The following RNF8 variants were observed in gnomAD, a reference collection of about 807,000 sequenced individuals.
RNF8 encodes the protein E3 ubiquitin-protein ligase RNF8.
Under a neutral mutation model 59.3 loss-of-function variants are expected in RNF8, and 8 were observed. The ratio of observed to expected loss-of-function variants is 0.13; its 90% confidence interval spans 0.08 to 0.24. The LOEUF (loss-of-function observed/expected upper bound fraction) is 0.24, where lower values mean the gene tolerates loss of function less well. Ranked by LOEUF, RNF8 falls within the 10% of genes least tolerant of loss-of-function variation. The pLI is 1.00. For synonymous variants in RNF8, 162 were observed against 200.0 expected, an observed-to-expected ratio of 0.81 and a Z score of 1.60; for missense variants, 406 against 572.6, an observed-to-expected ratio of 0.71 and a Z score of 2.97.
At chr6:37,358,318 T>C (rs1769193770) in intron 1 of RNF8, among the ~76,000 whole-genome samples, 1 of 152,166 alleles carries the variant, frequency 6.6e-6, no homozygotes, top group South Asian at 2.1e-4. Context: ...TTTGAATGAT[T>C]GGACAGTTTT....
intron 1 of RNF8, among the ~76,000 whole-genome samples, chr6:37,355,139 A>C (rs1260950777): frequency 6.6e-6 from 1 of 152,140 alleles, no homozygotes; most frequent in African/African-American, 2.4e-5. Flanking sequence ...TTCAAGATGC[A>C]CCAGCGTGGT....
In RNF8 at chr6:37,390,626, A is replaced by G. The variant is rs138849731; in HGVS notation, c.1442-116A>G. ...GACATGATCTGACTTCTGTTTTCTC[A>G]GTTCGCTATGGCTGCTGTGTGAGGA... is the stretch of plus-strand genomic sequence containing the variant. On this transcript the variant is annotated intron_variant, in intron 7 of 7. Transcript: ENST00000373479. 874 of 698,322 alleles carry G rather than the reference A, an allele frequency of 1.3e-3. 4 individuals carry two copies. The highest frequency in any genetic ancestry group is 0.011 in the African/African-American group (596 of 56,534). 43.3% of individuals were successfully genotyped at this position (698,322 alleles called of 1,614,324 possible).
At chr6:37,390,616 C>T in intron 7 of RNF8, 126 bp from the exon 8 acceptor site, 1 of 665,440 alleles carries the variant, frequency 1.5e-6, no homozygotes, top group Non-Finnish European at 2.6e-6. Flanking sequence ...GATCTGACTT[C>T]TGTTTTCTCA....
intron 7 of RNF8, among the ~76,000 whole-genome samples, chr6:37,382,472 G>GT (rs1459396442): frequency 6.6e-6 from 1 of 152,164 alleles, no homozygotes; most frequent in Non-Finnish European, 1.5e-5. Context: ...GGCTTAGAAA[G>GT]TATCTACGGA....
Position 37,382,620 on chromosome 6 carries a change from C to T in RNF8, c.1441+1266C>T, listed in dbSNP as rs1581694840. Reference sequence around the variant, plus strand: ...CCTAGGGACACCCATGGGCTTTCTTCGCCCAGTCTACCACCTAAGTTCCTT... The same window carrying T: ...CCTAGGGACACCCATGGGCTTTCTTTGCCCAGTCTACCACCTAAGTTCCTT... On this transcript the variant is annotated intron_variant, in intron 7 of 7. Transcript: ENST00000373479. Among the ~76,000 whole-genome samples, 4 of 152,088 alleles carry T rather than the reference C, an allele frequency of 2.6e-5. No individual in the cohort carries two copies. In the South Asian group the frequency reaches 6.2e-4, roughly 24 times the overall value.
intron 2 of RNF8, 166 bp from the exon 3 acceptor site, chr6:37,368,318 G>T (rs1769648855): frequency 6.5e-7 from 1 of 1,548,532 alleles, no homozygotes. Flanking sequence ...AGCACTGCTT[G>T]ACGAATGCTG....
In RNF8 at chr6:37,354,383, C is replaced by G. The variant is rs538655584; in HGVS notation, c.111+108C>G. The G allele has an allele frequency of 7.1e-4, 570 of 801,416 alleles. 7 individuals are homozygous for G. In the African/African-American group the frequency reaches 9.0e-3, roughly 13 times the overall value. 49.6% of individuals were successfully genotyped at this position (801,416 alleles called of 1,614,324 possible). A position where few individuals can be genotyped will look rare whatever the true frequency, so the allele number is the denominator to read the frequency against. On this transcript the variant is annotated intron_variant, in intron 1 of 7. Transcript: ENST00000373479. Reference sequence around the variant, plus strand: ...GGCTGAATGAATGGCAGAGAGGAGGCGGGCATCAGGAAGAGGAGCGAAGTG... The same window carrying G: ...GGCTGAATGAATGGCAGAGAGGAGGGGGGCATCAGGAAGAGGAGCGAAGTG...
chr6:37,375,864 A>G (rs556937196), intron 5 of RNF8, among the ~76,000 whole-genome samples: 3 of 152,228 alleles, frequency 2.0e-5, no homozygotes, highest in Non-Finnish European at 4.4e-5. Flanking sequence ...GTGAAGTGCT[A>G]AAATAAATGT....
At chr6:37,372,692 G>A (rs112916976) in intron 4 of RNF8, among the ~76,000 whole-genome samples, 6 of 152,196 alleles carry the variant, frequency 3.9e-5, no homozygotes, top group African/African-American at 1.2e-4. Context: ...CTTTTAGACC[G>A]GGCACGGTGG....
At position 37,360,325 on chromosome 6, in the gene RNF8, CA is replaced by C; in HGVS notation, c.112-120del. 7 of 1,188,600 alleles carry C rather than the reference CA, an allele frequency of 5.9e-6. No homozygotes were observed. The highest frequency in any genetic ancestry group is 6.1e-6 in the Non-Finnish European group (5 of 816,138). 73.6% of individuals were successfully genotyped at this position (1,188,600 alleles called of 1,614,324 possible). On this transcript the variant is annotated intron_variant, in intron 1 of 7. Transcript: ENST00000373479. This position sits in a 1 kb window ranked among gnomAD's most constrained non-coding sequence, Gnocchi z 4.2. The stretch of plus-strand genomic sequence containing the variant: ...GATAGCTGATGCACTGTTTTGGTTC[CA>C]CAGGTGTCTGGTTTCTTAAGTCAGG...
chr6:37,354,089 AG>A lies in RNF8; in HGVS notation c.-72del, dbSNP rs1446557629. The A allele has an allele frequency of 8.6e-7, 1 of 1,167,348 alleles. No homozygotes were observed. The highest frequency in any genetic ancestry group is 1.3e-6 in the Non-Finnish European group (1 of 798,332). The allele number at this position is 1,167,348 out of a possible 1,614,324, so 72.3% of individuals were successfully genotyped here. Reference sequence around the variant, plus strand: ...GTCTGTTATTTAGATATGGAAGCTGAGGGGATGCACAGAGGCAGCCAGAACC... The same window carrying A: ...GTCTGTTATTTAGATATGGAAGCTGAGGGATGCACAGAGGCAGCCAGAACC... On this transcript the variant is annotated 5_prime_UTR_variant, in exon 1 of 8. An upstream open reading frame in the 5' UTR gains an earlier in-frame stop. Transcript: ENST00000373479.
rs374669083 is a variant in RNF8 at position 37,381,495 on chromosome 6, G to A, written c.1441+141G>A. 98 of 717,648 alleles carry A rather than the reference G, an allele frequency of 1.4e-4. No homozygotes were observed. In the East Asian group the frequency reaches 2.4e-3, roughly 18 times the overall value. The allele number at this position is 717,648 out of a possible 1,614,324, so 44.5% of individuals were successfully genotyped here. A position where few individuals can be genotyped will look rare whatever the true frequency, so the allele number is the denominator to read the frequency against. ...GATGGAATAAATGGGGAGGAGTAAA[G>A]GGAGTTAAAGATAATGCAGGAGAGG... On this transcript the variant is annotated intron_variant, in intron 7 of 7. Coordinates refer to ENST00000373479, the MANE Select transcript of RNF8 (RefSeq NM_003958.4).
intron 7 of RNF8, among the ~76,000 whole-genome samples, chr6:37,382,928 G>A (rs900284809): frequency 2.0e-5 from 3 of 149,650 alleles, no homozygotes; most frequent in Admixed American, 6.7e-5. Flanking sequence ...AGCCAAGATC[G>A]CACCACTGCA....
intron 4 of RNF8, among the ~76,000 whole-genome samples, chr6:37,372,079 A>C (rs960024984): frequency 6.6e-6 from 1 of 152,250 alleles, no homozygotes; most frequent in Non-Finnish European, 1.5e-5. Context: ...CAACAGGACT[A>C]AAATTCTCCT....
At chr6:37,369,349 G>A (rs1769702559) in intron 3 of RNF8, 131 bp downstream of exon 3, 2 of 1,127,792 alleles carry the variant, frequency 1.8e-6, no homozygotes, top group Non-Finnish European at 2.5e-6. Context: ...AAATGGAATG[G>A]GAACAGTAAA....
At chr6:37,388,681 G>A (rs1770605295) in intron 7 of RNF8, among the ~76,000 whole-genome samples, 1 of 151,962 alleles carries the variant, frequency 6.6e-6, no homozygotes, top group African/African-American at 2.4e-5. Context: ...GCACATGCCT[G>A]TCCTCACAGC....
At chr6:37,354,483 T>G (rs1581657104) in intron 1 of RNF8, among the ~76,000 whole-genome samples, 1 of 129,678 alleles carries the variant, frequency 7.7e-6, no homozygotes. Context: ...GGGTCTGCGG[T>G]GGGAGGTGTT....
chr6:37,359,538 T>C (rs560153667), intron 1 of RNF8, among the ~76,000 whole-genome samples: 1 of 152,316 alleles, frequency 6.6e-6, no homozygotes, highest in South Asian at 2.1e-4. Context: ...TTTGATAGGC[T>C]GAACTAGCAA....
At chr6:37,390,643 G>C in intron 7 of RNF8, 99 bp from the exon 8 acceptor site, 1 of 817,688 alleles carries the variant, frequency 1.2e-6, no homozygotes, top group South Asian at 1.5e-5. Flanking sequence ...TATGGCTGCT[G>C]TGTGAGGAAG....
Sources: gnomAD v4.1 joint callset for allele counts (sites outside exome capture counted in the v4.1 genomes callset) on GRCh38, gnomAD v4.1.1 for gene constraint, Gnocchi (gnomAD v3.1) non-coding constraint, MANE v1.5 for transcripts, NCBI Gene and HGNC (gene_info 2026-07-23, HGNC 2026-07-21) for gene names.